The following DDR2 variants were observed in gnomAD, a reference collection of about 807,000 sequenced individuals.
The protein encoded by DDR2 is discoidin domain receptor tyrosine kinase 2, also known as discoidin domain-containing receptor 2.
DDR2 carries 27 observed loss-of-function variants against 94.9 expected under a neutral mutation model. The observed-to-expected ratio is 0.28, with a 90% CI of 0.21 to 0.39. DDR2 has a LOEUF of 0.39. DDR2 is among the 10% of genes least tolerant of loss of function. DDR2 has a pLI of 1.00. For synonymous variants in DDR2, 382 were observed against 377.2 expected (o/e 1.01, Z -0.15); for missense variants, 783 against 1,076.0 (o/e 0.73, Z 3.81).
intron 2 of DDR2, among the ~76,000 whole-genome samples, chr1:162,706,129 ATGTGTATGACATC>A (rs1660650811): frequency 6.6e-6 from 1 of 152,208 alleles, no homozygotes; most frequent in South Asian, 2.1e-4. Context: ...TAAGAGCATA[ATGTGTATGACATC>A]TGTGTATGAC....
intron 3 of DDR2, among the ~76,000 whole-genome samples, chr1:162,728,138 C>A (rs1015836630): frequency 8.7e-4 from 118 of 135,264 alleles, no homozygotes; most frequent in African/African-American, 2.9e-3. Context: ...CTATATATAT[C>A]TATATATAGA....
At chr1:162,669,543 T>C (rs1658732366) in intron 2 of DDR2, among the ~76,000 whole-genome samples, 1 of 152,240 alleles carries the variant, frequency 6.6e-6, no homozygotes, top group Admixed American at 6.5e-5. Context: ...CGTGTGTAGG[T>C]ATACTTAATT....
chr1:162,658,411 G>T (rs938158453), intron 2 of DDR2, among the ~76,000 whole-genome samples: 9 of 152,140 alleles, frequency 5.9e-5, no homozygotes, highest in African/African-American at 1.7e-4. Flanking sequence ...AATTTGGGAC[G>T]ATGGCTGTGC....
At chr1:162,633,374 C>A (rs1656652302) in intron 1 of DDR2, among the ~76,000 whole-genome samples, 1 of 152,070 alleles carries the variant, frequency 6.6e-6, no homozygotes, top group Non-Finnish European at 1.5e-5. Flanking sequence ...TCAGACCAGC[C>A]ATTTGAGGCA....
chr1:162,731,059 C>A (rs1285864261), intron 3 of DDR2, among the ~76,000 whole-genome samples: 4 of 152,300 alleles, frequency 2.6e-5, no homozygotes, highest in Admixed American at 2.0e-4. Flanking sequence ...CTCATTGCCT[C>A]AGAAACAATC....
intron 3 of DDR2, among the ~76,000 whole-genome samples, chr1:162,752,527 T>G (rs1663262878): frequency 6.6e-6 from 1 of 152,228 alleles, no homozygotes; most frequent in South Asian, 2.1e-4. Context: ...TACTCCGTCT[T>G]TGGTTGAAAG....
intron 2 of DDR2, among the ~76,000 whole-genome samples, chr1:162,660,220 C>A (rs1658222541): frequency 6.6e-6 from 1 of 152,076 alleles, no homozygotes. Context: ...TTTTCACACT[C>A]AAAAATCCAT....
chr1:162,721,257 G>C (rs1237164206), intron 3 of DDR2, among the ~76,000 whole-genome samples: 2 of 152,176 alleles, frequency 1.3e-5, no homozygotes, highest in South Asian at 4.1e-4. Flanking sequence ...AGTCCACACT[G>C]TGGCCCTGGA....
chr1:162,631,616 G>T (rs528889807), upstream of DDR2, among the ~76,000 whole-genome samples: 1 of 152,136 alleles, frequency 6.6e-6, no homozygotes, highest in Non-Finnish European at 1.5e-5. Context: ...AAGGGTTAAG[G>T]CTGGAGCCTG....
intron 13 of DDR2, 31 bp from the exon 14 acceptor site, chr1:162,773,438 A>G (rs771096579): frequency 1.9e-6 from 3 of 1,612,012 alleles, no homozygotes; most frequent in South Asian, 2.2e-5. Context: ...AGGAGAAATG[A>G]TGATGCTGAG....
intron 9 of DDR2, among the ~76,000 whole-genome samples, chr1:162,764,400 A>AG (rs1436861867): frequency 9.3e-6 from 1 of 107,488 alleles, no homozygotes; most frequent in African/African-American, 3.9e-5. Flanking sequence ...TTTAAAAAAA[A>AG]AAAAAAAAAA....
intron 2 of DDR2, among the ~76,000 whole-genome samples, chr1:162,674,160 C>T (rs1454914555): frequency 6.6e-6 from 1 of 152,114 alleles, no homozygotes; most frequent in East Asian, 1.9e-4. Flanking sequence ...CTATTCTTCC[C>T]AAACTCAATA....
chr1:162,680,820 T>C (rs1041011986), intron 2 of DDR2, among the ~76,000 whole-genome samples: 1 of 152,220 alleles, frequency 6.6e-6, no homozygotes, highest in Non-Finnish European at 1.5e-5. Flanking sequence ...CTGAACACAT[T>C]CCAGTCTTCT....
chr1:162,643,746 G>A (rs1427494745), intron 1 of DDR2, among the ~76,000 whole-genome samples: 1 of 152,166 alleles, frequency 6.6e-6, no homozygotes, highest in Non-Finnish European at 1.5e-5. Flanking sequence ...CTCCCAAAGT[G>A]CTGGGATTAC....
intron 2 of DDR2, among the ~76,000 whole-genome samples, chr1:162,698,398 A>G (rs1379176337): frequency 6.6e-6 from 1 of 152,184 alleles, no homozygotes. Context: ...CCAAAGCACC[A>G]GGGAGGCATG....
chr1:162,663,370 C>T (rs1658400128), intron 2 of DDR2, among the ~76,000 whole-genome samples: 1 of 152,116 alleles, frequency 6.6e-6, no homozygotes, highest in African/African-American at 2.4e-5. Context: ...CACTGGCTAC[C>T]CCTTAAAAAA....
rs1196239872 is a variant in DDR2 at position 162,694,812 on chromosome 1, A to G, written c.-27-24225A>G. 2.0e-5 allele frequency among the ~76,000 whole-genome samples: 3 copies of G among 152,242 alleles called. No individual in the cohort carries two copies. The East Asian group carries it at 5.8e-4, about 29-fold the overall frequency. ...CAGTCAAAACATTATTCATCAACTC[A>G]CAAAAAAGCAGACTAGCTTTGTGTT... On this transcript the variant is annotated intron_variant, in intron 2 of 17. Coordinates refer to ENST00000367921, the MANE Select transcript of DDR2 (RefSeq NM_006182.4).
At chr1:162,631,033 C>T (rs1208366282), upstream of DDR2, among the ~76,000 whole-genome samples, 2 of 152,112 alleles carry the variant, frequency 1.3e-5, no homozygotes, top group Non-Finnish European at 2.9e-5. Flanking sequence ...CTGAACCATT[C>T]CCATGTTCTC....
chr1:162,640,287 C>T (rs1293152201), intron 1 of DDR2, among the ~76,000 whole-genome samples: 1 of 152,058 alleles, frequency 6.6e-6, no homozygotes, highest in East Asian at 1.9e-4. Context: ...TGATCTGCCC[C>T]CCTCAGCCTC....
Sources: allele counts gnomAD v4.1 joint callset (sites outside exome capture counted in the v4.1 genomes callset), GRCh38; gene constraint gnomAD v4.1.1; transcripts MANE v1.5; gene names NCBI Gene and HGNC (gene_info 2026-07-23, HGNC 2026-07-21).